Variants in RADX observed in about 807,000 individuals in gnomAD.
RADX encodes the protein RPA-related protein RADX.
Under a neutral mutation model 61.6 loss-of-function variants are expected in RADX, and 36 were observed. That is an observed-to-expected ratio of 0.58 (90% CI 0.45 to 0.77). The LOEUF (loss-of-function observed/expected upper bound fraction) is 0.77. Among genes scored for constraint, RADX ranks in the 30% least tolerant of loss-of-function variants. The probability of loss-of-function intolerance (pLI) is 0.00; values close to 1 mark genes in which losing one functional copy is unlikely to be tolerated. For synonymous variants in RADX, 272 were observed against 237.9 expected, an observed-to-expected ratio of 1.14 and a Z score of -1.32; for missense variants, 497 against 651.1, an observed-to-expected ratio of 0.76 and a Z score of 2.58.
At chrX:106,623,086 A>G (rs984653256) in intron 2 of RADX, among the ~76,000 whole-genome samples, 4 of 110,779 alleles carry the variant, frequency 3.6e-5, no homozygotes, top group Non-Finnish European at 7.6e-5. Context: ...GTGCCAATAT[A>G]TAAACATACT....
At chrX:106,646,105 C>T (rs971160365) in intron 10 of RADX, among the ~76,000 whole-genome samples, 36 of 110,733 alleles carry the variant, frequency 3.3e-4, no homozygotes, top group African/African-American at 1.1e-3. Context: ...TCGATTTTGT[C>T]TGATATAAAG....
chrX:106,630,656 T>A (rs765322555), intron 3 of RADX, among the ~76,000 whole-genome samples: 1 of 110,923 alleles, frequency 9.0e-6, no homozygotes, highest in Non-Finnish European at 1.9e-5. Context: ...ACCAAACTAA[T>A]GCAGGAACAA....
chrX:106,677,500 T>G (rs1207998467), intron 13 of RADX, among the ~76,000 whole-genome samples: 2 of 84,558 alleles, frequency 2.4e-5, no homozygotes, highest in African/African-American at 1.2e-4. Context: ...ACCTGATCCA[T>G]TTTTTTTTTT....
Position 106,612,419 on chromosome X carries a change from C to A in RADX, c.339C>A (p.Ser113Arg), listed in dbSNP as rs1272203739. 1 of 1,209,585 alleles carries A rather than the reference C, an allele frequency of 8.3e-7. No homozygotes were observed. The highest frequency in any genetic ancestry group is 1.1e-6 in the Non-Finnish European group (1 of 894,954). ...AGGAGAAGTGCTACCTGGACCCCAG[C>A]TTGAACTCTCTCGTATATCAAAATA... is the stretch of plus-strand genomic sequence containing the variant. The part of the protein sequence containing the change: ...VYQEKCYLDP[S>R]LNSLVYQNIL... Residue 113 changes from serine to arginine, a missense_variant, in exon 1 of 14, where the codon AGC becomes AGA. Transcript: ENST00000372548.
At chrX:106,652,788 A>G (rs1927827416) in intron 11 of RADX, among the ~76,000 whole-genome samples, 1 of 109,547 alleles carries the variant, frequency 9.1e-6, no homozygotes, top group Non-Finnish European at 1.9e-5. Context: ...AAAAATACAC[A>G]TAAGTCACAA....
intron 8 of RADX, chrX:106,638,453 G>A (rs1222468528): frequency 5.4e-5 from 6 of 110,129 alleles, no homozygotes; most frequent in African/African-American, 2.0e-4. Context: ...TAGTAGAGAC[G>A]GGGTTTCACC....
At chrX:106,615,916 T>C (rs1926790815) in intron 1 of RADX, among the ~76,000 whole-genome samples, 1 of 111,966 alleles carries the variant, frequency 8.9e-6, no homozygotes, top group African/African-American at 3.2e-5. Context: ...ATTTTTGTTT[T>C]TTGCAGGGAG....
rs757055452 is a variant in RADX at position 106,640,571 on chromosome X, CCTCTCAAGCAG to C, written c.1757_1767del (p.Ser586Ter). On this transcript the variant is annotated frameshift_variant, in exon 10 of 14. Coordinates refer to ENST00000372548, the MANE Select transcript of RADX (RefSeq NM_018015.6). LOFTEE classifies it high-confidence loss of function. Reference sequence around the variant, plus strand: ...TTTTAGAATGCTAACAGACCCTCGACCTCTCAAGCAGCTAGAGTAGAAATTCAAGAAAGAAA... The same window carrying C: ...TTTTAGAATGCTAACAGACCCTCGACCTAGAGTAGAAATTCAAGAAAGAAA... The C allele has an allele frequency of 5.9e-6, 7 of 1,193,960 alleles. No homozygotes were observed. The highest frequency in any genetic ancestry group is 7.9e-6 in the Non-Finnish European group (7 of 886,767).
intron 12 of RADX, among the ~76,000 whole-genome samples, chrX:106,666,815 A>C (rs961784217): frequency 1.8e-5 from 2 of 112,181 alleles, no homozygotes; most frequent in African/African-American, 6.5e-5. Flanking sequence ...TCCTTACATC[A>C]TAGCCATTTT....
chrX:106,650,897 A>C (rs1440508705), intron 11 of RADX, among the ~76,000 whole-genome samples: 1 of 111,515 alleles, frequency 9.0e-6, no homozygotes, highest in Non-Finnish European at 1.9e-5. Context: ...TACTGATGAA[A>C]TCACACCAAA....
chrX:106,620,556 C>T (rs1286823121), intron 1 of RADX, among the ~76,000 whole-genome samples: 3 of 110,160 alleles, frequency 2.7e-5, no homozygotes, highest in African/African-American at 9.9e-5. Context: ...TGCTTATAGT[C>T]CCAGCTACTC....
chrX:106,657,535 T>C (rs1378110975), intron 11 of RADX, among the ~76,000 whole-genome samples: 2 of 112,319 alleles, frequency 1.8e-5, no homozygotes, highest in Non-Finnish European at 3.8e-5. Flanking sequence ...TAACATGCCT[T>C]CCTCACTAAA....
chrX:106,633,048 T>C lies in RADX; in HGVS notation c.1180+25T>C, dbSNP rs201783164. ...GGTAAGCTTTTAAAATTGAAAATCA[T>C]AAAAAGTATTTCAGTGAATAATTTT... is the stretch of plus-strand genomic sequence containing the variant. On this transcript the variant is annotated intron_variant, in intron 5 of 13. Coordinates refer to ENST00000372548, the MANE Select transcript of RADX (RefSeq NM_018015.6). The C allele has an allele frequency of 2.4e-4, 278 of 1,179,385 alleles. 1 individual carries two copies. The East Asian group carries it at 8.2e-3, about 35-fold the overall frequency.
At chrX:106,639,117 A>G (rs897013669) in intron 8 of RADX, among the ~76,000 whole-genome samples, 18 of 111,909 alleles carry the variant, frequency 1.6e-4, no homozygotes, top group African/African-American at 5.8e-4. Flanking sequence ...TTGGAAAAAA[A>G]GAGAAACTTT....
intron 12 of RADX, 53 bp downstream of exon 12, chrX:106,662,358 C>A: frequency 9.5e-7 from 1 of 1,047,156 alleles, no homozygotes; most frequent in Non-Finnish European, 1.3e-6. Flanking sequence ...TTTAAATATA[C>A]CTACTATTTC....
intron 6 of RADX, among the ~76,000 whole-genome samples, chrX:106,635,977 GC>G (rs1947231652): frequency 9.0e-6 from 1 of 111,714 alleles, no homozygotes; most frequent in Admixed American, 9.5e-5. Context: ...CCTGCCATTG[GC>G]CTTAAAATCT....
chrX:106,666,502 G>A (rs113796301), intron 12 of RADX, among the ~76,000 whole-genome samples: 12,283 of 111,405 alleles, frequency 0.11, 1,645 homozygotes, highest in African/African-American at 0.38. Context: ...CAGCAAGGAA[G>A]GTAGCATACC....
chrX:106,666,583 C>A lies in RADX; in HGVS notation c.2270-2580C>A, dbSNP rs188474219. Among the ~76,000 whole-genome samples, 6 of 112,001 alleles carry A rather than the reference C, an allele frequency of 5.4e-5. No homozygotes were observed. The East Asian group carries it at 1.7e-3, about 32-fold the overall frequency. ...GGAGGGAAAGAATTATATTGGTCTA[C>A]TTGGCTGCTTTAATAAAAGAAAATA... is the stretch of plus-strand genomic sequence containing the variant. On this transcript the variant is annotated intron_variant, in intron 12 of 13. Coordinates refer to ENST00000372548, the MANE Select transcript of RADX (RefSeq NM_018015.6).
At chrX:106,617,958 A>T (rs1926852607) in intron 1 of RADX, among the ~76,000 whole-genome samples, 1 of 112,430 alleles carries the variant, frequency 8.9e-6, no homozygotes, top group South Asian at 3.6e-4. Context: ...AAGGTTGCAA[A>T]GATAAAGAAT....
Sources: gnomAD v4.1 joint callset for allele counts (sites outside exome capture counted in the v4.1 genomes callset) on GRCh38, gnomAD v4.1.1 for gene constraint, MANE v1.5 for transcripts, NCBI Gene and HGNC (gene_info 2026-07-23, HGNC 2026-07-21) for gene names.